Variants in FERMT2 observed in about 807,000 individuals in gnomAD.
The protein encoded by FERMT2 is FERM domain containing kindlin 2, also known as fermitin family homolog 2.
In FERMT2, 15 loss-of-function variants were observed where a neutral mutation model predicts 82.7. The ratio of observed to expected loss-of-function variants is 0.18; its 90% CI spans 0.12 to 0.28. FERMT2 has a LOEUF of 0.28. FERMT2 is among the 10% of genes least tolerant of loss of function. The pLI is 1.00. For missense variants in FERMT2, 645 were observed against 809.4 expected (o/e 0.80, Z 2.46); for synonymous variants, 274 against 271.5 (o/e 1.01, Z -0.09).
chr14:52,950,738 C>A, intron 1 of FERMT2, 161 bp from the exon 2 acceptor site: 1 of 608,356 alleles, frequency 1.6e-6, no homozygotes, highest in Non-Finnish European at 2.8e-6. Flanking sequence ...TGCGGGAGGA[C>A]CCTACGCCCC....
At chr14:52,884,404 C>T (rs189209725) in intron 4 of FERMT2, among the ~76,000 whole-genome samples, 9 of 152,204 alleles carry the variant, frequency 5.9e-5, no homozygotes, top group Admixed American at 2.0e-4. Flanking sequence ...GAGTTCGAGA[C>T]CAGCCTGGCC....
At chr14:52,897,954 C>A (rs755308020) in intron 3 of FERMT2, among the ~76,000 whole-genome samples, 1 of 104,726 alleles carries the variant, frequency 9.5e-6, no homozygotes, top group Non-Finnish European at 1.7e-5. Context: ...CCAGCCTGGG[C>A]AAGGAGAGTG....
intron 2 of FERMT2, among the ~76,000 whole-genome samples, chr14:52,927,517 G>A (rs1048254483): frequency 4.1e-5 from 6 of 144,964 alleles, no homozygotes; most frequent in Non-Finnish European, 9.0e-5. Flanking sequence ...CACTTTGGGA[G>A]GTTTGAGGTG....
chr14:52,943,004 G>A (rs1890166121), intron 2 of FERMT2, among the ~76,000 whole-genome samples: 1 of 152,104 alleles, frequency 6.6e-6, no homozygotes, highest in Non-Finnish European at 1.5e-5. Context: ...CCTAAGGTCA[G>A]GAGTTCAAGA....
intron 7 of FERMT2, among the ~76,000 whole-genome samples, chr14:52,877,302 A>G (rs1189420981): frequency 6.6e-6 from 1 of 152,204 alleles, no homozygotes; most frequent in Non-Finnish European, 1.5e-5. Context: ...CTAGAAAATC[A>G]TAAGCCTGTA....
intron 9 of FERMT2, 25 bp downstream of exon 9, chr14:52,874,152 T>A: frequency 6.7e-7 from 1 of 1,489,730 alleles, no homozygotes. Context: ...TATTAATATT[T>A]GGCATCCCTC....
At chr14:52,898,657 T>C (rs1460298176) in intron 3 of FERMT2, among the ~76,000 whole-genome samples, 1 of 152,164 alleles carries the variant, frequency 6.6e-6, no homozygotes. Context: ...AATAAAGGCA[T>C]TAGAAAATTC....
chr14:52,924,573 G>T (rs1011777445), intron 2 of FERMT2, among the ~76,000 whole-genome samples: 5 of 152,104 alleles, frequency 3.3e-5, no homozygotes, highest in East Asian at 3.9e-4. Flanking sequence ...GGTGATGGGG[G>T]TATGCAAGAG....
chr14:52,915,944 A>G (rs532335338), intron 3 of FERMT2, among the ~76,000 whole-genome samples: 1 of 152,380 alleles, frequency 6.6e-6, no homozygotes, highest in African/African-American at 2.4e-5. Context: ...CTGCATACAG[A>G]TGTTTACAGC....
rs566762259 is a variant in FERMT2, at chr14:52,934,386, TAAC to T, written c.158-15033_158-15031del. ...AGTGTTACTTTTCTTTGTGAAAACT[TAAC>T]AAGAATAGCTTAAATAGTGCTTGTC... On this transcript the variant is annotated intron_variant, in intron 2 of 14. Coordinates refer to ENST00000341590, the MANE Select transcript of FERMT2 (RefSeq NM_006832.3). 1.9e-3 allele frequency among the ~76,000 whole-genome samples: 288 copies of T among 152,306 alleles called. 1 individual carries two copies. The highest frequency in any genetic ancestry group is 7.7e-3 in the South Asian group (37 of 4,832).
intron 3 of FERMT2, among the ~76,000 whole-genome samples, chr14:52,910,412 T>C (rs1888250566): frequency 6.6e-6 from 1 of 152,176 alleles, no homozygotes; most frequent in African/African-American, 2.4e-5. Context: ...TAGCTCTCTG[T>C]TGTCAGATTT....
intron 4 of FERMT2, among the ~76,000 whole-genome samples, chr14:52,886,366 G>T (rs183086856): frequency 5.9e-5 from 9 of 151,962 alleles, no homozygotes; most frequent in Middle Eastern, 3.4e-3. Context: ...TAGAGACAGG[G>T]TCTTGCTCTG....
At chr14:52,889,309 C>T (rs761394845) in intron 4 of FERMT2, among the ~76,000 whole-genome samples, 3 of 152,142 alleles carry the variant, frequency 2.0e-5, no homozygotes, top group African/African-American at 7.2e-5. Flanking sequence ...AATAAAGAGG[C>T]CACAAATGTC....
At chr14:52,898,803 A>T (rs1398255509) in intron 3 of FERMT2, among the ~76,000 whole-genome samples, 1 of 152,240 alleles carries the variant, frequency 6.6e-6, no homozygotes, top group Non-Finnish European at 1.5e-5. Flanking sequence ...TCTAAAAAGT[A>T]TTGAAGGATA....
chr14:52,904,751 T>A (rs1288906566), intron 3 of FERMT2, among the ~76,000 whole-genome samples: 12 of 124,646 alleles, frequency 9.6e-5, no homozygotes, highest in South Asian at 2.5e-4. Context: ...ACCTAATCTC[T>A]AAAAGGAGGA....
intron 7 of FERMT2, among the ~76,000 whole-genome samples, chr14:52,877,364 C>CA (rs1886022501): frequency 6.6e-6 from 1 of 151,980 alleles, no homozygotes; most frequent in Non-Finnish European, 1.5e-5. Flanking sequence ...AGGGGACTCC[C>CA]AACAAACTGC....
At position 52,901,527 on chromosome 14, in the gene FERMT2, G is replaced by C. The variant is rs574246030; in HGVS notation, c.392-8100C>G. 1.4e-4 allele frequency among the ~76,000 whole-genome samples: 22 copies of C among 152,228 alleles called. No homozygotes were observed. The South Asian group carries it at 4.4e-3, about 30-fold the overall frequency. On this transcript the variant is annotated intron_variant, in intron 3 of 14. Transcript: ENST00000341590. ...GGGTGAGCCCAACGTAATCACATGA[G>C]GCCTCCAGCACAGAAGAGGCAGGAA... is the stretch of plus-strand genomic sequence containing the variant.
At chr14:52,928,471 C>T (rs1889405779) in intron 2 of FERMT2, 1 of 152,674 alleles carries the variant, frequency 6.5e-6, no homozygotes, top group Admixed American at 6.5e-5. Context: ...GAAGCTGGTT[C>T]TGACCTACTG....
intron 4 of FERMT2, among the ~76,000 whole-genome samples, chr14:52,892,543 C>T (rs1316554727): frequency 6.7e-6 from 1 of 150,186 alleles, no homozygotes; most frequent in Non-Finnish European, 1.5e-5. Context: ...CAACTCCCAC[C>T]TCTTGGGTTC....
Sources: gnomAD v4.1 joint callset for allele counts (sites outside exome capture counted in the v4.1 genomes callset) on GRCh38, gnomAD v4.1.1 for gene constraint, MANE v1.5 for transcripts, NCBI Gene and HGNC (gene_info 2026-07-23, HGNC 2026-07-21) for gene names.